Variants in ZRSR2 observed in about 807,000 individuals in gnomAD.
ZRSR2 encodes zinc finger CCCH-type, RNA binding motif and serine/arginine rich 2.
Under a neutral mutation model 39.4 loss-of-function variants are expected in ZRSR2, and 3 were observed. The ratio of observed to expected loss-of-function variants is 0.08; its 90% CI spans 0.03 to 0.20. The LOEUF (loss-of-function observed/expected upper bound fraction) is 0.20. ZRSR2 is among the 10% of genes least tolerant of loss of function. The pLI is 1.00. For missense variants in ZRSR2, 256 were observed against 391.5 expected, an observed-to-expected ratio of 0.65 and a Z score of 2.92; for synonymous variants, 137 against 136.0, an observed-to-expected ratio of 1.01 and a Z score of -0.05.
At chrX:15,792,785 A>T (rs187114237) in intron 2 of ZRSR2, among the ~76,000 whole-genome samples, 2 of 112,794 alleles carry the variant, frequency 1.8e-5, no homozygotes, top group African/African-American at 6.4e-5. Context: ...CTGAAATCAC[A>T]CAGTAGTACT....
At chrX:15,790,874 G>T (rs772783752) in intron 1 of ZRSR2, 60 bp from the exon 2 acceptor site, 8 of 1,068,171 alleles carry the variant, frequency 7.5e-6, no homozygotes, top group South Asian at 1.9e-5. Context: ...GAGGAGCGGG[G>T]AGCTCGGGCA....
intron 8 of ZRSR2, among the ~76,000 whole-genome samples, chrX:15,817,631 T>C (rs1023588299): frequency 9.0e-6 from 1 of 111,728 alleles, no homozygotes; most frequent in South Asian, 3.7e-4. Flanking sequence ...TGAGGATGTG[T>C]ACATTAGTAA....
In ZRSR2 at chrX:15,820,011, C is replaced by T. The variant is rs746115701; in HGVS notation, c.828-196C>T. Among the ~76,000 whole-genome samples, 24 of 112,066 alleles carry T rather than the reference C, an allele frequency of 2.1e-4. No individual in the cohort carries two copies. The South Asian group carries it at 4.1e-3, about 19-fold the overall frequency. ...CAATTTCCATGCATTGAAACCTCTC[C>T]GAGGGTTAGTAAAAAGGGTTCCTGA... On this transcript the variant is annotated intron_variant, in intron 9 of 10. Transcript: ENST00000307771.
At chrX:15,819,742 A>T (rs1933058735) in intron 9 of ZRSR2, among the ~76,000 whole-genome samples, 1 of 111,772 alleles carries the variant, frequency 8.9e-6, no homozygotes, top group African/African-American at 3.3e-5. Flanking sequence ...TTTATAGTGA[A>T]AGAGCCGGAG....
chrX:15,796,356 A>C (rs1359729161), intron 2 of ZRSR2, among the ~76,000 whole-genome samples: 2 of 112,513 alleles, frequency 1.8e-5, no homozygotes, highest in African/African-American at 6.5e-5. Context: ...TGAAGAGATG[A>C]ACTGCTCATG....
chrX:15,795,825 A>G (rs1252001685), intron 2 of ZRSR2, among the ~76,000 whole-genome samples: 1 of 111,444 alleles, frequency 9.0e-6, no homozygotes, highest in Non-Finnish European at 1.9e-5. Context: ...TTTCATCTGC[A>G]TTAAAAACCT....
chrX:15,795,589 G>C (rs1029948727), intron 2 of ZRSR2, among the ~76,000 whole-genome samples: 1 of 111,749 alleles, frequency 8.9e-6, no homozygotes, highest in African/African-American at 3.3e-5. Context: ...CATTGTCCAG[G>C]CCTTCTAGTT....
intron 2 of ZRSR2, 96 bp from the exon 3 acceptor site, chrX:15,799,776 A>T (rs1425080610): frequency 1.9e-6 from 1 of 523,083 alleles, no homozygotes; most frequent in Non-Finnish European, 3.0e-6. Flanking sequence ...GATTTTTACC[A>T]TAATTTTATA....
chrX:15,816,149 G>T (rs1471859647), intron 8 of ZRSR2, among the ~76,000 whole-genome samples: 2 of 112,202 alleles, frequency 1.8e-5, no homozygotes, highest in African/African-American at 6.5e-5. Context: ...TTATTTAGTA[G>T]CTTTGTGCTC....
chrX:15,806,831 C>A (rs899600668), intron 5 of ZRSR2, among the ~76,000 whole-genome samples: 2 of 111,210 alleles, frequency 1.8e-5, no homozygotes, highest in South Asian at 7.4e-4. Context: ...CCACACCCGG[C>A]TAATTTTTTG....
At chrX:15,791,653 C>CTTTTTT (rs144343422) in intron 2 of ZRSR2, among the ~76,000 whole-genome samples, 23 of 60,861 alleles carry the variant, frequency 3.8e-4, no homozygotes, top group Non-Finnish European at 5.7e-4. Flanking sequence ...CTTTTCTTTT[C>CTTTTTT]TTTTTTTTTT....
At chrX:15,803,660 T>C in intron 3 of ZRSR2, 28 bp from the exon 4 acceptor site, 8 of 1,179,734 alleles carry the variant, frequency 6.8e-6, no homozygotes, top group Non-Finnish European at 9.1e-6. Context: ...CCCATTTCTT[T>C]TATCTGATTA....
intron 4 of ZRSR2, 123 bp from the exon 5 acceptor site, chrX:15,803,988 A>C (rs1017440302): frequency 9.8e-7 from 1 of 1,021,428 alleles, no homozygotes. Context: ...ACTTAAAAAA[A>C]AAAAACAAAA....
chrX:15,812,654 C>G (rs1029608178), intron 7 of ZRSR2, among the ~76,000 whole-genome samples: 1 of 112,011 alleles, frequency 8.9e-6, no homozygotes, highest in African/African-American at 3.2e-5. Context: ...GAAGGTAAAA[C>G]TTAGTGGTCT....
intron 8 of ZRSR2, among the ~76,000 whole-genome samples, chrX:15,816,716 G>T (rs1932984062): frequency 9.0e-6 from 1 of 110,997 alleles, no homozygotes; most frequent in Non-Finnish European, 1.9e-5. Context: ...CCCATAATTT[G>T]GGAAAAGACA....
intron 3 of ZRSR2, among the ~76,000 whole-genome samples, chrX:15,800,186 CTT>C (rs752445746): frequency 1.0e-4 from 8 of 79,276 alleles, no homozygotes; most frequent in Admixed American, 3.0e-4. Context: ...TTTTTTCTTT[CTT>C]TTTTTTTTTT....
intron 8 of ZRSR2, 91 bp from the exon 9 acceptor site, chrX:15,818,496 T>G: frequency 1.2e-6 from 1 of 817,852 alleles, no homozygotes. Flanking sequence ...GTAACTACTT[T>G]GGGGAATGTT....
chrX:15,797,826 G>C (rs989550420), intron 2 of ZRSR2, among the ~76,000 whole-genome samples: 2 of 111,510 alleles, frequency 1.8e-5, no homozygotes, highest in Non-Finnish European at 3.8e-5. Flanking sequence ...GCTGTACCCA[G>C]AACTGTTAGC....
At chrX:15,815,391 G>T (rs1484088256) in intron 7 of ZRSR2, among the ~76,000 whole-genome samples, 6 of 112,557 alleles carry the variant, frequency 5.3e-5, no homozygotes, top group Non-Finnish European at 1.1e-4. Flanking sequence ...CCGCCACCCG[G>T]GTTCAAGTGA....
Sources: gnomAD v4.1 joint callset for allele counts (sites outside exome capture counted in the v4.1 genomes callset) on GRCh38, gnomAD v4.1.1 for gene constraint, MANE v1.5 for transcripts, NCBI Gene and HGNC (gene_info 2026-07-23, HGNC 2026-07-21) for gene names.